The following PAX7 variants were observed in gnomAD, a reference collection of about 807,000 sequenced individuals.
PAX7 encodes the protein paired box protein Pax-7.
PAX7 carries 18 observed loss-of-function variants against 50.7 expected under a neutral mutation model. The ratio of observed to expected loss-of-function variants is 0.36; its 90% CI spans 0.25 to 0.53. PAX7 has a LOEUF of 0.53. Among genes scored for constraint, PAX7 ranks in the 20% least tolerant of loss-of-function variants. PAX7 has a pLI of 0.93. For missense variants in PAX7, 644 were observed against 702.9 expected, an observed-to-expected ratio of 0.92 and a Z score of 0.95; for synonymous variants, 310 against 290.4, an observed-to-expected ratio of 1.07 and a Z score of -0.69.
chr1:18,663,176 C>T (rs760022637), intron 4 of PAX7, among the ~76,000 whole-genome samples: 8 of 152,178 alleles, frequency 5.3e-5, no homozygotes, highest in Admixed American at 1.3e-4. Context: ...CTCGACACCT[C>T]GCCAGTGATG....
chr1:18,636,261 T>G lies in PAX7; in HGVS notation c.476T>G (p.Val159Gly). The G allele has an allele frequency of 6.2e-7, 1 of 1,614,158 alleles. No individual in the cohort carries two copies. Among genetic ancestry groups the G allele is most frequent in the Non-Finnish European group, 8.5e-7 (1 of 1,179,996 alleles). ...PSGLVSSISRVLRIKFGKKEE... is the reference protein window; with the variant it reads ...PSGLVSSISRGLRIKFGKKEE... ...GGTTTAGTGAGTTCGATTAGCCGCG[T>G]GCTCAGAATCAAGTTCGGGAAGAAA... Residue 159 changes from valine to glycine, a missense_variant, in exon 4 of 9, where the codon GTG (valine) becomes GGG (glycine). Transcript: ENST00000420770. This position sits in a 1 kb window ranked among gnomAD's most constrained non-coding sequence, Gnocchi z 5.1.
chr1:18,631,332 T>G lies in PAX7; in HGVS notation c.-272T>G. On this transcript the variant is annotated 5_prime_UTR_variant, in exon 1 of 9. Transcript: ENST00000420770. ...CCAGCCGGCAGAGGCGGACTTGGGG[T>G]TGGAGTGTTTGTTTGTTTGAACTTC... is the stretch of plus-strand genomic sequence containing the variant. 1.9e-5 allele frequency: 8 copies of G among 420,922 alleles called. No homozygotes were observed. The highest frequency in any genetic ancestry group is 7.4e-5 in the Admixed American group (2 of 27,128). 26.1% of individuals were successfully genotyped at this position (420,922 alleles called of 1,614,324 possible).
At chr1:18,736,234 G>T in intron 8 of PAX7, 1 of 514,112 alleles carries the variant, frequency 1.9e-6, no homozygotes, top group Non-Finnish European at 3.4e-6. Context: ...GAAGGCTGAG[G>T]CAAACGAATC....
intron 8 of PAX7, among the ~76,000 whole-genome samples, chr1:18,743,661 C>G (rs1931267283): frequency 6.6e-6 from 1 of 152,252 alleles, no homozygotes; most frequent in Non-Finnish European, 1.5e-5. Flanking sequence ...CACACCCCAG[C>G]CAAATCATTT....
chr1:18,725,301 C>G (rs1280337972), intron 7 of PAX7, among the ~76,000 whole-genome samples: 1 of 47,380 alleles, frequency 2.1e-5, no homozygotes, highest in Non-Finnish European at 4.1e-5. Context: ...GAGGTGGAGA[C>G]GCCCCCCCCC....
chr1:18,670,079 T>C (rs1471659602), intron 4 of PAX7, among the ~76,000 whole-genome samples: 5 of 84,486 alleles, frequency 5.9e-5, no homozygotes, highest in Admixed American at 2.8e-4. Flanking sequence ...TGAGACTCCA[T>C]CTCAAAAAAA....
chr1:18,720,269 AAACACCCTG>A (rs1221518962), intron 7 of PAX7, among the ~76,000 whole-genome samples: 1 of 152,158 alleles, frequency 6.6e-6, no homozygotes, highest in Non-Finnish European at 1.5e-5. Flanking sequence ...GACTCAAAGT[AAACACCCTG>A]AACAGCAGAG....
At chr1:18,713,374 A>C (rs2089379279) in intron 7 of PAX7, among the ~76,000 whole-genome samples, 1 of 152,202 alleles carries the variant, frequency 6.6e-6, no homozygotes, top group Non-Finnish European at 1.5e-5. Flanking sequence ...TATTATAACT[A>C]GGTGTCTGGC....
intron 4 of PAX7, among the ~76,000 whole-genome samples, chr1:18,687,487 G>A (rs1421526229): frequency 6.6e-6 from 1 of 152,172 alleles, no homozygotes; most frequent in Non-Finnish European, 1.5e-5. Context: ...CCATCCAAGT[G>A]ACTGAACCTC....
At chr1:18,650,025 G>A (rs1401797966) in intron 4 of PAX7, among the ~76,000 whole-genome samples, 1 of 152,206 alleles carries the variant, frequency 6.6e-6, no homozygotes, top group Non-Finnish European at 1.5e-5. Flanking sequence ...TAGTGGAGGG[G>A]AAGCAGTGAA....
intron 4 of PAX7, among the ~76,000 whole-genome samples, chr1:18,674,351 T>G (rs2088795309): frequency 6.6e-6 from 1 of 152,218 alleles, no homozygotes; most frequent in South Asian, 2.1e-4. Flanking sequence ...CCTGATACTA[T>G]GACGGCTCTT....
At chr1:18,631,811 C>A in intron 1 of PAX7, 123 bp downstream of exon 1, 2 of 804,946 alleles carry the variant, frequency 2.5e-6, no homozygotes, top group Non-Finnish European at 4.1e-6. Context: ...CCGTTCTCTT[C>A]TGGGTCCCAG....
intron 4 of PAX7, among the ~76,000 whole-genome samples, chr1:18,678,958 T>C (rs1253936575): frequency 1.3e-5 from 2 of 152,170 alleles, no homozygotes; most frequent in African/African-American, 4.8e-5. Flanking sequence ...TGCCATTGAG[T>C]TACTTAACCC....
chr1:18,649,687 C>T (rs2100453992), intron 4 of PAX7, among the ~76,000 whole-genome samples: 2 of 152,332 alleles, frequency 1.3e-5, no homozygotes, highest in Admixed American at 1.3e-4. Flanking sequence ...CAAACTTGGC[C>T]TGCTGAAGGG....
chr1:18,665,602 T>C (rs1005405771), intron 4 of PAX7, among the ~76,000 whole-genome samples: 1 of 151,606 alleles, frequency 6.6e-6, no homozygotes, highest in African/African-American at 2.4e-5. Flanking sequence ...CTCCATCTCT[T>C]GACCTCGTGA....
intron 4 of PAX7, among the ~76,000 whole-genome samples, chr1:18,689,582 C>T (rs1430327301): frequency 1.3e-5 from 2 of 151,536 alleles, no homozygotes; most frequent in African/African-American, 4.8e-5. Context: ...CTGGCACTGG[C>T]CAAAAAAAAA....
intron 6 of PAX7, among the ~76,000 whole-genome samples, chr1:18,701,447 A>C (rs2100322937): frequency 6.6e-6 from 1 of 150,942 alleles, no homozygotes; most frequent in Admixed American, 6.6e-5. Context: ...TGTGTGCATG[A>C]GTGTGTGCAT....
intron 4 of PAX7, among the ~76,000 whole-genome samples, chr1:18,659,367 T>C (rs973056230): frequency 6.6e-6 from 1 of 152,136 alleles, no homozygotes; most frequent in African/African-American, 2.4e-5. Flanking sequence ...CTGCTGAGAA[T>C]TGAAGGCAAG....
At chr1:18,642,813 A>T (rs922130538) in intron 4 of PAX7, among the ~76,000 whole-genome samples, 3 of 152,060 alleles carry the variant, frequency 2.0e-5, no homozygotes, top group Non-Finnish European at 4.4e-5. Context: ...AAACTTCGCC[A>T]TTAGTAGATA....
Sources: allele counts gnomAD v4.1 joint callset (sites outside exome capture counted in the v4.1 genomes callset), GRCh38; gene constraint gnomAD v4.1.1; non-coding constraint Gnocchi (gnomAD v3.1); transcripts MANE v1.5; gene names NCBI Gene and HGNC (gene_info 2026-07-23, HGNC 2026-07-21).